The following ZRANB3 variants were observed in gnomAD, a reference collection of about 807,000 sequenced individuals.
The protein encoded by ZRANB3 is DNA annealing helicase and endonuclease ZRANB3.
In ZRANB3, 125 loss-of-function variants were observed where a neutral mutation model predicts 133.8. The observed-to-expected ratio is 0.93, with a 90% confidence interval of 0.81 to 1.08. The LOEUF (loss-of-function observed/expected upper bound fraction) is 1.08, where lower values mean the gene tolerates loss of function less well. ZRANB3 is among the 50% of genes least tolerant of loss of function. The probability of loss-of-function intolerance (pLI) is 0.00; values close to 1 mark genes in which losing one functional copy is unlikely to be tolerated. For synonymous variants in ZRANB3, 387 were observed against 432.7 expected (o/e 0.89, Z 1.31); for missense variants, 1,229 against 1,275.5 (o/e 0.96, Z 0.56).
At position 135,207,526 on chromosome 2, in the gene ZRANB3, G is replaced by A; in HGVS notation, c.2917C>T (p.Gln973Ter). 8.7e-6 allele frequency: 14 copies of A among 1,613,960 alleles called. No homozygotes were observed. The highest frequency in any genetic ancestry group is 1.2e-5 in the Non-Finnish European group (14 of 1,179,876). Residue 973 changes from glutamine to a stop codon, truncating the protein, a stop_gained, in exon 19 of 21, where the codon CAA (glutamine) becomes TAA (stop). Transcript: ENST00000264159. LOFTEE classifies it high-confidence loss of function. Reference protein sequence around the residue: ...GVCQLCNVNAQELFLRLRDAP... With the variant: ...GVCQLCNVNA ...TCTCTCAGACGTAAAAAGAGTTCTT[G>A]TGCGTTCACATTACAGAGCTGACAC...
At chr2:135,419,699 GT>G (rs57043904) in intron 2 of ZRANB3, among the ~76,000 whole-genome samples, 18,127 of 142,324 alleles carry the variant, frequency 0.13, 1,344 homozygotes, top group South Asian at 0.33. Context: ...CCTCACAAAG[GT>G]TTTTTTTTTT....
chr2:135,315,627 T>C (rs912743813), intron 6 of ZRANB3, 97 bp from the exon 7 acceptor site: 17 of 879,162 alleles, frequency 1.9e-5, no homozygotes, highest in Non-Finnish European at 2.7e-5. Flanking sequence ...TAAGGAGCCA[T>C]GACACTGTTT....
At chr2:135,489,644 CATAA>C (rs1228258465) in intron 2 of ZRANB3, among the ~76,000 whole-genome samples, 1 of 150,884 alleles carries the variant, frequency 6.6e-6, no homozygotes, top group African/African-American at 2.4e-5. Context: ...AAAAAAAATA[CATAA>C]ATAAACAAAA....
chr2:135,377,545 AG>A (rs1686482727), intron 3 of ZRANB3, among the ~76,000 whole-genome samples: 1 of 152,216 alleles, frequency 6.6e-6, no homozygotes, highest in Non-Finnish European at 1.5e-5. Context: ...TCTAAAATGA[AG>A]GGGTTATGTC....
intron 8 of ZRANB3, among the ~76,000 whole-genome samples, chr2:135,313,142 T>G (rs1486375392): frequency 6.6e-6 from 1 of 151,832 alleles, no homozygotes; most frequent in Non-Finnish European, 1.5e-5. Context: ...AAATATATGG[T>G]TGGATACAGC....
intron 19 of ZRANB3, among the ~76,000 whole-genome samples, chr2:135,204,707 T>TTATGTTTTATTATATATTATTATAAA (rs1558826196): frequency 6.9e-6 from 1 of 145,054 alleles, no homozygotes; most frequent in East Asian, 2.0e-4. Flanking sequence ...ATAATATATA[T>TTATGTTTTATTATATATTATTATAAA]TATATGTTTT....
chr2:135,418,925 C>CTTTT lies in ZRANB3; in HGVS notation c.162-28109_162-28106dup, dbSNP rs769271961. Among the ~76,000 whole-genome samples, 377 of 85,888 alleles carry CTTTT rather than the reference C, an allele frequency of 4.4e-3. 21 individuals carry two copies. Among genetic ancestry groups the CTTTT allele is most frequent in the East Asian group, 9.7e-3 (18 of 1,850 alleles). 56.3% of individuals were successfully genotyped at this position (85,888 alleles called of 152,430 possible). ...AAGTAATGAAAAATAAGGATTCTCT[C>CTTTT]TTTTTTTTTTTTTTTTTTTTTTTTT... On this transcript the variant is annotated intron_variant, in intron 2 of 20. Coordinates refer to ENST00000264159, the MANE Select transcript of ZRANB3 (RefSeq NM_032143.4).
intron 12 of ZRANB3, among the ~76,000 whole-genome samples, chr2:135,231,521 A>G (rs1296311392): frequency 1.3e-5 from 2 of 152,192 alleles, no homozygotes; most frequent in African/African-American, 4.8e-5. Flanking sequence ...GCACTTTGGG[A>G]GGCTGATATG....
intron 12 of ZRANB3, among the ~76,000 whole-genome samples, chr2:135,248,943 T>C (rs758728716): frequency 2.0e-5 from 3 of 151,948 alleles, no homozygotes; most frequent in Non-Finnish European, 2.9e-5. Context: ...GCAAAGGAAA[T>C]GAACAGACAC....
intron 12 of ZRANB3, among the ~76,000 whole-genome samples, chr2:135,239,209 T>C (rs563633176): frequency 6.6e-6 from 1 of 152,086 alleles, no homozygotes; most frequent in Non-Finnish European, 1.5e-5. Flanking sequence ...ATAAAATTCA[T>C]AAAAACAGAA....
chr2:135,484,380 G>A (rs1027642571), intron 2 of ZRANB3, among the ~76,000 whole-genome samples: 2 of 152,132 alleles, frequency 1.3e-5, no homozygotes, highest in African/African-American at 4.8e-5. Context: ...GAATGAATAA[G>A]TACATGACAA....
chr2:135,291,406 C>T (rs1049661234), intron 8 of ZRANB3, among the ~76,000 whole-genome samples: 14 of 151,964 alleles, frequency 9.2e-5, no homozygotes, highest in Non-Finnish European at 1.9e-4. Flanking sequence ...TGGTCTTGAA[C>T]TCCTGACCTC....
At chr2:135,303,341 T>C (rs533001686) in intron 8 of ZRANB3, among the ~76,000 whole-genome samples, 50 of 152,182 alleles carry the variant, frequency 3.3e-4, no homozygotes, top group Non-Finnish European at 4.6e-4. Context: ...AAGAATTTTA[T>C]AATTTTAGCT....
chr2:135,222,098 T>A (rs562376332), intron 15 of ZRANB3, among the ~76,000 whole-genome samples: 158 of 152,286 alleles, frequency 1.0e-3, no homozygotes, highest in East Asian at 3.9e-4. Context: ...TATATACTTA[T>A]AAAGATTAGA....
chr2:135,348,839 T>C (rs1165911488), intron 5 of ZRANB3, among the ~76,000 whole-genome samples: 1 of 152,098 alleles, frequency 6.6e-6, no homozygotes, highest in African/African-American at 2.4e-5. Flanking sequence ...AGTGATCCAC[T>C]CGCCTCGGCT....
rs955829668 is a variant in ZRANB3, at chr2:135,427,574, G to A, written c.162-36754C>T. Reference sequence around the variant, plus strand: ...AAAGAAAACAAGCAAATGGAAAAACGTTCCATGCTCATGAATAGGATGAAT... The same window carrying A: ...AAAGAAAACAAGCAAATGGAAAAACATTCCATGCTCATGAATAGGATGAAT... On this transcript the variant is annotated intron_variant, in intron 2 of 20. Coordinates refer to ENST00000264159, the MANE Select transcript of ZRANB3 (RefSeq NM_032143.4). Among the ~76,000 whole-genome samples the A allele has an allele frequency of 2.6e-5, 4 of 152,062 alleles. No individual in the cohort carries two copies. The East Asian group carries it at 5.8e-4, about 22-fold the overall frequency.
intron 2 of ZRANB3, among the ~76,000 whole-genome samples, chr2:135,395,318 T>A (rs1034823138): frequency 2.0e-5 from 3 of 151,888 alleles, no homozygotes; most frequent in Non-Finnish European, 2.9e-5. Context: ...TTAAACCATC[T>A]CTCACCGTAA....
intron 8 of ZRANB3, among the ~76,000 whole-genome samples, chr2:135,307,832 A>T (rs948408625): frequency 6.6e-6 from 1 of 152,050 alleles, no homozygotes; most frequent in Non-Finnish European, 1.5e-5. Flanking sequence ...CTCTTGTTAC[A>T]TTTACCTTTG....
At chr2:135,295,328 A>T (rs10168247) in intron 8 of ZRANB3, among the ~76,000 whole-genome samples, 1 of 151,710 alleles carries the variant, frequency 6.6e-6, no homozygotes, top group Non-Finnish European at 1.5e-5. Flanking sequence ...TTACCATTAC[A>T]TAATGGCCTT....
Sources: allele counts gnomAD v4.1 joint callset (sites outside exome capture counted in the v4.1 genomes callset), GRCh38; gene constraint gnomAD v4.1.1; transcripts MANE v1.5; gene names NCBI Gene and HGNC (gene_info 2026-07-23, HGNC 2026-07-21).